The following CES4A variants were observed in gnomAD, a reference collection of about 807,000 sequenced individuals.
CES4A encodes the protein carboxylesterase 6.
Under a neutral mutation model 65.4 loss-of-function variants are expected in CES4A, and 48 were observed. That is an observed-to-expected ratio of 0.73 (90% CI 0.58 to 0.93). The LOEUF is 0.93. Among genes scored for constraint, CES4A ranks in the 40% least tolerant of loss-of-function variants. The pLI, the probability that CES4A is intolerant of heterozygous loss-of-function variation, is 0.00. For synonymous variants in CES4A, 247 were observed against 281.8 expected (o/e 0.88, Z 1.24); for missense variants, 685 against 728.5 (o/e 0.94, Z 0.69).
At chr16:67,005,662 C>G (rs1054807316) in intron 11 of CES4A, 1 of 370,288 alleles carries the variant, frequency 2.7e-6, no homozygotes. Flanking sequence ...GCCTCACCAA[C>G]ATGGTGAAAA....
In CES4A at chr16:67,005,613, G is replaced by A. The variant is rs1406112731; in HGVS notation, c.1315+220G>A. The A allele has an allele frequency of 3.1e-5, 15 of 491,664 alleles. No homozygotes were observed. In the East Asian group the frequency reaches 5.0e-4, roughly 16 times the overall value. 30.5% of individuals were successfully genotyped at this position (491,664 alleles called of 1,614,324 possible). ...TGTAATCCCAGCACTTTGGGAAGCC[G>A]AAGTGGGTGGATCATTTGAGGCCAG... On this transcript the variant is annotated intron_variant, in intron 11 of 13. Transcript: ENST00000648724.
chr16:67,002,171 A>G (rs761846184), intron 5 of CES4A, among the ~76,000 whole-genome samples: 2 of 150,140 alleles, frequency 1.3e-5, no homozygotes, highest in Non-Finnish European at 3.0e-5. Flanking sequence ...GGAAAAAAAA[A>G]TTTTTTTTTT....
At chr16:66,999,949 T>G (rs979935192) in intron 2 of CES4A, among the ~76,000 whole-genome samples, 2 of 151,766 alleles carry the variant, frequency 1.3e-5, no homozygotes, top group African/African-American at 4.8e-5. Flanking sequence ...CCCACGGGCT[T>G]GGAGGTGGGA....
At chr16:66,998,466 G>A (rs1567576321) in intron 2 of CES4A, among the ~76,000 whole-genome samples, 2 of 152,138 alleles carry the variant, frequency 1.3e-5, no homozygotes, top group Non-Finnish European at 2.9e-5. Flanking sequence ...GTGCGTGCTT[G>A]TAGTCCTAGC....
At chr16:66,994,369 G>C (rs1964641067) in intron 1 of CES4A, among the ~76,000 whole-genome samples, 1 of 149,168 alleles carries the variant, frequency 6.7e-6, no homozygotes, top group Non-Finnish European at 1.5e-5. Context: ...CTGAGTAGCA[G>C]TATTACAGGT....
At position 66,991,963 on chromosome 16, in the gene CES4A, A is replaced by C. The variant is rs552941761; in HGVS notation, c.58+3133A>C. On this transcript the variant is annotated intron_variant, in intron 1 of 13. Coordinates refer to ENST00000648724, the Ensembl canonical transcript of CES4A. ...GTCTCTACAAAAAAGAAAAAGAAAA[A>C]AAGAAAAAAATGAGGTGAGATAATT... Among the ~76,000 whole-genome samples the C allele has an allele frequency of 4.7e-4, 72 of 152,324 alleles. No individual in the cohort carries two copies. In the South Asian group the frequency reaches 9.1e-3, roughly 19 times the overall value.
chr16:67,010,128 A>C (rs1966060147), downstream of CES4A, among the ~76,000 whole-genome samples: 1 of 147,368 alleles, frequency 6.8e-6, no homozygotes, highest in South Asian at 2.1e-4. Context: ...TGCAATGATG[A>C]AATCTCAGCT....
chr16:67,005,347 T>A lies in CES4A; in HGVS notation c.1269T>A (p.Asp423Glu), dbSNP rs534603155. 1.9e-6 allele frequency: 3 copies of A among 1,614,148 alleles called. No individual in the cohort carries two copies. Among genetic ancestry groups the A allele is most frequent in the Non-Finnish European group, 2.5e-6 (3 of 1,180,012 alleles). ...ACCGTATGATGGACATAGTTCAAGA[T>A]GCCACTTTCGTGTATGCCACACTGC... The change falls in exon 11 of 14, where the codon GAT becomes GAA. Residue 423 changes from aspartate (D) to glutamate (E), a missense_variant. Asp to Glu is a conservative substitution (Grantham distance 45). Transcript: ENST00000648724.
chr16:66,996,196 A>C (rs971773274), intron 2 of CES4A: 4 of 376,334 alleles, frequency 1.1e-5, no homozygotes, highest in Non-Finnish European at 1.5e-5. Flanking sequence ...GCCACCATGC[A>C]CACCTAATTT....
In CES4A at chr16:67,001,347, G is replaced by C. The variant is rs1794525032; in HGVS notation, c.576G>C (p.Leu192=). ...ACGCGCGCGGGAACTGGGGGCTGCT[G>C]GACCAGATGGCGGCTCTGCGCTGGG... The change falls in exon 5 of 14, where the codon CTG becomes CTC. Residue 192 remains leucine (L), a synonymous_variant. Transcript: ENST00000648724. This position sits in a 1 kb window ranked among gnomAD's most constrained non-coding sequence, Gnocchi z 4.1. The C allele has an allele frequency of 6.2e-7, 1 of 1,613,114 alleles. No homozygotes were observed. The highest frequency in any genetic ancestry group is 1.3e-5 in the African/African-American group (1 of 74,932).
chr16:66,998,079 G>C (rs1047187929), intron 2 of CES4A, among the ~76,000 whole-genome samples: 5 of 151,786 alleles, frequency 3.3e-5, no homozygotes, highest in Admixed American at 2.6e-4. Context: ...GGAGAGAGAA[G>C]ACAGAAGGCA....
intron 13 of CES4A, chr16:67,008,558 G>A (rs756261104): frequency 1.3e-5 from 2 of 158,278 alleles, no homozygotes; most frequent in South Asian, 3.7e-4. Context: ...CCGCCACCTC[G>A]CCCGGCTTTT....
chr16:67,005,036 A>G (rs1169920827), intron 10 of CES4A, 163 bp downstream of exon 10: 9 of 732,260 alleles, frequency 1.2e-5, no homozygotes, highest in Non-Finnish European at 2.1e-5. Context: ...CTTACAGGTA[A>G]GGTGCTCAGG....
In CES4A at chr16:67,000,563, G is replaced by T; in HGVS notation, c.261-75G>T. 6.7e-7 allele frequency: 1 copy of T among 1,492,818 alleles called. No individual in the cohort carries two copies. The highest frequency in any genetic ancestry group is 9.0e-7 in the Non-Finnish European group (1 of 1,115,546). The allele number at this position is 1,492,818 out of a possible 1,614,324, so 92.5% of individuals were successfully genotyped here. ...CAGACGCTGCCTGGATTTTGCTTTGGGTTCCGTCTTCTCACTGCGGACCCT... is the reference window on the plus strand; with the variant it reads ...CAGACGCTGCCTGGATTTTGCTTTGTGTTCCGTCTTCTCACTGCGGACCCT... On this transcript the variant is annotated intron_variant, in intron 2 of 13. Transcript: ENST00000648724. The surrounding 1 kb of genome is among the most constrained non-coding windows in gnomAD (Gnocchi z 4.2).
intron 2 of CES4A, among the ~76,000 whole-genome samples, chr16:66,997,034 C>T (rs1210129344): frequency 3.3e-5 from 5 of 149,638 alleles, no homozygotes; most frequent in African/African-American, 1.2e-4. Context: ...GACTGCACTC[C>T]AGCCTGAGCC....
chr16:67,008,910 G>A (rs1182585163), intron 13 of CES4A, 64 bp from the exon 14 acceptor site: 1 of 1,525,540 alleles, frequency 6.6e-7, no homozygotes, highest in African/African-American at 1.4e-5. Context: ...ACGAGGGAAG[G>A]GTGAAAGAAA....
chr16:67,004,030 G>A, intron 8 of CES4A, 54 bp from the exon 9 acceptor site: 1 of 1,595,066 alleles, frequency 6.3e-7, no homozygotes, highest in South Asian at 1.1e-5. Flanking sequence ...AAGGTTGCAG[G>A]GACCCTGGGA....
At chr16:66,998,236 G>A (rs1032116628) in intron 2 of CES4A, among the ~76,000 whole-genome samples, 1 of 152,198 alleles carries the variant, frequency 6.6e-6, no homozygotes, top group South Asian at 2.1e-4. Flanking sequence ...CACCAATGAG[G>A]TGGCAGGAAT....
chr16:67,003,280 A>G lies in CES4A; in HGVS notation c.820A>G (p.Asn274Asp). The G allele has an allele frequency of 6.2e-7, 1 of 1,614,224 alleles. No homozygotes were observed. The highest frequency in any genetic ancestry group is 8.5e-7 in the Non-Finnish European group (1 of 1,180,030). Residue 274 changes from asparagine to aspartate, a missense_variant, in exon 7 of 14, where the codon AAC becomes GAC. Asn to Asp is a conservative substitution (Grantham distance 23, BLOSUM62 1). Coordinates refer to ENST00000648724, the Ensembl canonical transcript of CES4A. This position sits in a 1 kb window ranked among gnomAD's most constrained non-coding sequence, Gnocchi z 4.2. ...GAAGGTTGCCCACCTGGCTGGATGC[A>G]ACCACAACAGCACACAGATCCTGGT...
Sources: allele counts gnomAD v4.1 joint callset (sites outside exome capture counted in the v4.1 genomes callset), GRCh38; gene constraint gnomAD v4.1.1; non-coding constraint Gnocchi (gnomAD v3.1); transcripts MANE v1.5; gene names NCBI Gene and HGNC (gene_info 2026-07-23, HGNC 2026-07-21).